Variants in ASPH observed in about 807,000 individuals in gnomAD.
The protein encoded by ASPH is aspartyl/asparaginyl beta-hydroxylase.
A neutral mutation model predicts 118.4 loss-of-function variants in ASPH; 100 were observed. The ratio of observed to expected loss-of-function variants is 0.84; its 90% CI spans 0.72 to 1.00. The LOEUF is 1.00. Ranked by LOEUF, ASPH falls within the 50% of genes least tolerant of loss-of-function variation. The pLI, the probability that ASPH is intolerant of heterozygous loss-of-function variation, is 0.00. For synonymous variants in ASPH, 315 were observed against 325.6 expected (o/e 0.97, Z 0.35); for missense variants, 920 against 919.5 (o/e 1.00, Z -0.01).
intron 1 of ASPH, among the ~76,000 whole-genome samples, chr8:61,708,412 A>C (rs561275077): frequency 1.6e-4 from 24 of 152,356 alleles, no homozygotes; most frequent in African/African-American, 5.0e-4. Context: ...GGTTTATGTA[A>C]GTCAAAAAAT....
At chr8:61,549,665 T>C (rs756269976) in intron 20 of ASPH, among the ~76,000 whole-genome samples, 1 of 152,212 alleles carries the variant, frequency 6.6e-6, no homozygotes, top group Admixed American at 6.5e-5. Context: ...AATTTGACTA[T>C]TGTGGTTATT....
At chr8:61,575,183 T>C (rs1178608199) in intron 16 of ASPH, among the ~76,000 whole-genome samples, 1 of 152,210 alleles carries the variant, frequency 6.6e-6, no homozygotes, top group Non-Finnish European at 1.5e-5. Context: ...GCCAAAAAAA[T>C]CTTAATAGGT....
At chr8:61,610,062 A>G (rs1846842654) in intron 14 of ASPH, among the ~76,000 whole-genome samples, 1 of 152,224 alleles carries the variant, frequency 6.6e-6, no homozygotes, top group Non-Finnish European at 1.5e-5. Context: ...CAATCTTAAC[A>G]GTCATTTTAA....
intron 1 of ASPH, among the ~76,000 whole-genome samples, chr8:61,695,010 G>A (rs867355079): frequency 6.6e-6 from 1 of 152,168 alleles, no homozygotes; most frequent in Non-Finnish European, 1.5e-5. Flanking sequence ...TTGCAAACGG[G>A]TGATTACAAC....
intron 21 of ASPH, among the ~76,000 whole-genome samples, chr8:61,528,859 T>C (rs913005017): frequency 6.6e-6 from 1 of 152,186 alleles, no homozygotes; most frequent in Non-Finnish European, 1.5e-5. Context: ...AGACTCGTGC[T>C]CAAAAGGGGC....
chr8:61,608,458 T>C (rs1399602048), intron 14 of ASPH, among the ~76,000 whole-genome samples: 2 of 152,216 alleles, frequency 1.3e-5, no homozygotes, highest in Non-Finnish European at 2.9e-5. Context: ...TAGGTTTGCT[T>C]ACCATTTGTG....
chr8:61,547,736 AAT>A (rs566990331), intron 21 of ASPH, among the ~76,000 whole-genome samples: 36 of 151,916 alleles, frequency 2.4e-4, no homozygotes, highest in Non-Finnish European at 4.6e-4. Context: ...ATAATTCATA[AAT>A]ATATATATAA....
intron 17 of ASPH, among the ~76,000 whole-genome samples, chr8:61,566,720 C>T (rs1320553242): frequency 6.6e-6 from 1 of 152,214 alleles, no homozygotes; most frequent in Non-Finnish European, 1.5e-5. Context: ...TGGCTATTAA[C>T]ATTGAGGCAA....
chr8:61,680,137 A>G (rs544963611), intron 3 of ASPH, among the ~76,000 whole-genome samples: 1 of 151,876 alleles, frequency 6.6e-6, no homozygotes, highest in African/African-American at 2.4e-5. Context: ...AAATATACAC[A>G]AAACAATGTT....
At chr8:61,683,809 C>T in intron 2 of ASPH, 1 of 410,518 alleles carries the variant, frequency 2.4e-6, no homozygotes, top group South Asian at 8.3e-5. Flanking sequence ...GTGTGACAGA[C>T]ATACAATATA....
At chr8:61,620,685 A>C (rs1850604969) in intron 13 of ASPH, among the ~76,000 whole-genome samples, 1 of 152,218 alleles carries the variant, frequency 6.6e-6, no homozygotes, top group Admixed American at 6.5e-5. Context: ...GAAAAGCATA[A>C]AAAATTCCAG....
chr8:61,547,959 T>C, intron 21 of ASPH, 112 bp downstream of exon 21: 1 of 1,412,504 alleles, frequency 7.1e-7, no homozygotes, highest in Non-Finnish European at 9.5e-7. Context: ...CAAATGTCAC[T>C]AGAAATAAAA....
intron 24 of ASPH, among the ~76,000 whole-genome samples, chr8:61,504,720 G>C (rs1479806875): frequency 2.0e-5 from 3 of 152,118 alleles, no homozygotes; most frequent in African/African-American, 7.2e-5. Flanking sequence ...AGTAATTGTA[G>C]TTTTTGCCAT....
At chr8:61,635,608 C>T (rs757491793) in intron 12 of ASPH, among the ~76,000 whole-genome samples, 6 of 151,916 alleles carry the variant, frequency 3.9e-5, no homozygotes, top group Admixed American at 2.6e-4. Context: ...ACTTTTGCAC[C>T]AACCTAATAC....
rs1039489418 is a variant in ASPH at position 61,565,233 on chromosome 8, GT to G, written c.1300+1934del. Reference sequence around the variant, plus strand: ...CAAAGTATTTGCAAATTTACTTCATGTTTTTTTTTCTAGCATTTTCCTTGAT... The same window carrying G: ...CAAAGTATTTGCAAATTTACTTCATGTTTTTTTTCTAGCATTTTCCTTGAT... On this transcript the variant is annotated intron_variant, in intron 17 of 24. Coordinates refer to ENST00000379454, the MANE Select transcript of ASPH (RefSeq NM_004318.4). 2.3e-4 allele frequency among the ~76,000 whole-genome samples: 35 copies of G among 150,762 alleles called. No individual in the cohort carries two copies. The South Asian group carries it at 5.9e-3, about 25-fold the overall frequency.
chr8:61,682,438 C>T (rs1462115616), intron 2 of ASPH: 4 of 1,612,470 alleles, frequency 2.5e-6, no homozygotes, highest in African/African-American at 1.3e-5. Context: ...CAATAGCCTA[C>T]CTTGAAGCAC....
At chr8:61,667,986 CTTAAT>C (rs1226871937) in intron 3 of ASPH, among the ~76,000 whole-genome samples, 1 of 152,040 alleles carries the variant, frequency 6.6e-6, no homozygotes, top group African/African-American at 2.4e-5. Flanking sequence ...TATATACATT[CTTAAT>C]TTAAAGACTA....
intron 1 of ASPH, among the ~76,000 whole-genome samples, chr8:61,698,010 G>A (rs188271341): frequency 4.1e-4 from 63 of 152,002 alleles, no homozygotes; most frequent in Admixed American, 5.9e-4. Flanking sequence ...TGTTGCCCAC[G>A]CTGGTCTTGA....
chr8:61,567,874 G>C (rs1832266575), intron 16 of ASPH, among the ~76,000 whole-genome samples: 1 of 152,230 alleles, frequency 6.6e-6, no homozygotes, highest in African/African-American at 2.4e-5. Flanking sequence ...GGAGTGCTGG[G>C]TAGGAATGGT....
Sources: allele counts gnomAD v4.1 joint callset (sites outside exome capture counted in the v4.1 genomes callset), GRCh38; gene constraint gnomAD v4.1.1; transcripts MANE v1.5; gene names NCBI Gene and HGNC (gene_info 2026-07-23, HGNC 2026-07-21).